STK31: variants seen among roughly 807,000 people sequenced by gnomAD.
STK31 encodes the protein serine/threonine-protein kinase 31.
STK31 carries 89 observed loss-of-function variants against 129.7 expected under a neutral mutation model. That is an observed-to-expected ratio of 0.69 (90% CI 0.58 to 0.82). The LOEUF (loss-of-function observed/expected upper bound fraction) is 0.82, where lower values mean the gene tolerates loss of function less well. Ranked by LOEUF, STK31 falls within the 40% of genes least tolerant of loss-of-function variation. STK31 has a pLI of 0.00. For synonymous variants in STK31, 448 were observed against 395.3 expected, an observed-to-expected ratio of 1.13 and a Z score of -1.58; for missense variants, 1,187 against 1,176.4, an observed-to-expected ratio of 1.01 and a Z score of -0.13.
chr7:23,823,815 C>T (rs4294099), intron 23 of STK31, among the ~76,000 whole-genome samples: 6,753 of 151,716 alleles, frequency 0.045, 252 homozygotes, highest in Admixed American at 0.11. Context: ...TTTCTATATA[C>T]GGCTAGCCAG....
At chr7:23,802,161 A>G (rs1770859577) in intron 22 of STK31, among the ~76,000 whole-genome samples, 1 of 152,204 alleles carries the variant, frequency 6.6e-6, no homozygotes, top group Non-Finnish European at 1.5e-5. Flanking sequence ...CAGAGGAGGC[A>G]GCCCTGAGTT....
chr7:23,712,184 G>T, intron 2 of STK31, 39 bp downstream of exon 2: 1 of 1,613,862 alleles, frequency 6.2e-7, no homozygotes, highest in Non-Finnish European at 8.5e-7. Flanking sequence ...GTAAGAGCTA[G>T]ATGATACTGA....
chr7:23,830,411 T>G (rs943838580), intron 23 of STK31, among the ~76,000 whole-genome samples: 2 of 152,174 alleles, frequency 1.3e-5, no homozygotes, highest in African/African-American at 4.8e-5. Context: ...TCTCACTGCT[T>G]TTGCTATATC....
chr7:23,729,002 G>A (rs959689663), intron 5 of STK31, 89 bp from the exon 6 acceptor site: 8 of 1,191,624 alleles, frequency 6.7e-6, no homozygotes, highest in African/African-American at 6.3e-5. Flanking sequence ...TTGATATACA[G>A]GTCATTAACA....
At chr7:23,810,602 A>C (rs1165570084) in intron 22 of STK31, among the ~76,000 whole-genome samples, 1 of 127,616 alleles carries the variant, frequency 7.8e-6, no homozygotes, top group Non-Finnish European at 1.6e-5. Flanking sequence ...CCATCTTTTT[A>C]TATATATATA....
chr7:23,710,636 T>C, intron 1 of STK31: 1 of 1,226,122 alleles, frequency 8.2e-7, no homozygotes, highest in Non-Finnish European at 1.0e-6. Flanking sequence ...TCAAAATCCC[T>C]TATAAAATAA....
At chr7:23,794,708 G>A (rs866689966) in intron 22 of STK31, among the ~76,000 whole-genome samples, 10 of 152,158 alleles carry the variant, frequency 6.6e-5, no homozygotes, top group African/African-American at 2.4e-4. Flanking sequence ...CTGGAGATGA[G>A]GGACTTGTTG....
chr7:23,802,145 C>G (rs755403263), intron 22 of STK31, among the ~76,000 whole-genome samples: 3 of 151,918 alleles, frequency 2.0e-5, no homozygotes, highest in African/African-American at 7.2e-5. Context: ...GCTGCTTCAC[C>G]TCACTCAGAG....
chr7:23,809,932 G>T (rs1375109701), intron 22 of STK31, among the ~76,000 whole-genome samples: 1 of 152,118 alleles, frequency 6.6e-6, no homozygotes, highest in Admixed American at 6.5e-5. Context: ...GCCTCATGAT[G>T]CATTTCTGAG....
intron 17 of STK31, among the ~76,000 whole-genome samples, chr7:23,785,214 T>C (rs1022641030): frequency 6.6e-6 from 1 of 152,180 alleles, no homozygotes; most frequent in Non-Finnish European, 1.5e-5. Flanking sequence ...CTAGGATGCA[T>C]GTCTGGTTGA....
At chr7:23,798,818 A>T (rs369742289) in intron 22 of STK31, among the ~76,000 whole-genome samples, 1 of 152,242 alleles carries the variant, frequency 6.6e-6, no homozygotes, top group African/African-American at 2.4e-5. Flanking sequence ...GTCTGTGTGC[A>T]GATGACATGA....
At chr7:23,746,657 TAAG>T (rs1216558964) in intron 8 of STK31, among the ~76,000 whole-genome samples, 1 of 152,128 alleles carries the variant, frequency 6.6e-6, no homozygotes, top group Non-Finnish European at 1.5e-5. Flanking sequence ...AAAATATTAT[TAAG>T]AAAATCATAA....
At chr7:23,725,733 CTT>C (rs1470013187) in intron 4 of STK31, 1 of 152,138 alleles carries the variant, frequency 6.6e-6, no homozygotes, top group African/African-American at 2.4e-5. Flanking sequence ...GAGAGTTAGA[CTT>C]AAGTGGCATG....
intron 6 of STK31, 50 bp downstream of exon 6, chr7:23,729,299 C>A: frequency 6.7e-7 from 1 of 1,483,512 alleles, no homozygotes; most frequent in Non-Finnish European, 9.0e-7. Context: ...AAACTATGTG[C>A]TTGAAACAAA....
chr7:23,799,717 A>G (rs1792242286), intron 22 of STK31, among the ~76,000 whole-genome samples: 1 of 152,262 alleles, frequency 6.6e-6, no homozygotes, highest in Non-Finnish European at 1.5e-5. Flanking sequence ...AGCACTGGCA[A>G]CAAATGCCAA....
chr7:23,796,732 G>T (rs1428861973), intron 22 of STK31, among the ~76,000 whole-genome samples: 1 of 152,022 alleles, frequency 6.6e-6, no homozygotes, highest in Non-Finnish European at 1.5e-5. Context: ...ACTGTGTTTT[G>T]TGCTTTTAAG....
At chr7:23,766,423 C>T (rs752927823) in intron 11 of STK31, among the ~76,000 whole-genome samples, 36 of 151,998 alleles carry the variant, frequency 2.4e-4, no homozygotes, top group Non-Finnish European at 4.6e-4. Context: ...CCACTGTGCC[C>T]GGCTAATTTT....
rs572895872 is a variant in STK31 at position 23,826,197 on chromosome 7, G to C, written c.2830-5939G>C. On this transcript the variant is annotated intron_variant, in intron 23 of 23. Coordinates refer to ENST00000355870, the MANE Select transcript of STK31 (RefSeq NM_031414.5). ...TGGTCTGCCTAATGTTGACAGTGGG[G>C]TGTTAAAGTCTCCCATTATTATTGT... is the stretch of plus-strand genomic sequence containing the variant. Among the ~76,000 whole-genome samples the C allele has an allele frequency of 2.6e-5, 4 of 152,222 alleles. No homozygotes were observed. In the South Asian group the frequency reaches 8.3e-4, roughly 32 times the overall value.
At chr7:23,728,889 GAA>G (rs1260315910) in intron 5 of STK31, among the ~76,000 whole-genome samples, 200 bp from the exon 6 acceptor site, 3 of 152,200 alleles carry the variant, frequency 2.0e-5, no homozygotes, top group Admixed American at 2.0e-4. Context: ...AACAAGTAAA[GAA>G]ATCACTGTAA....
Sources: allele counts gnomAD v4.1 joint callset (sites outside exome capture counted in the v4.1 genomes callset), GRCh38; gene constraint gnomAD v4.1.1; transcripts MANE v1.5; gene names NCBI Gene and HGNC (gene_info 2026-07-23, HGNC 2026-07-21).